Variants in SLC8A1 observed in about 807,000 individuals in gnomAD.
SLC8A1 encodes the protein solute carrier family 8 member A1, also known as sodium/calcium exchanger 1.
In SLC8A1, 18 loss-of-function variants were observed where a neutral mutation model predicts 68.3. The ratio of observed to expected loss-of-function variants is 0.26; its 90% CI spans 0.18 to 0.39. SLC8A1 has a LOEUF of 0.39. SLC8A1 is among the 10% of genes least tolerant of loss of function. The probability of loss-of-function intolerance (pLI) is 1.00; values close to 1 mark genes in which losing one functional copy is unlikely to be tolerated. For synonymous variants in SLC8A1, 475 were observed against 415.5 expected (o/e 1.14, Z -1.74); for missense variants, 985 against 1,156.7 (o/e 0.85, Z 2.15).
chr2:40,265,389 C>A (rs930406781), intron 2 of SLC8A1, among the ~76,000 whole-genome samples: 1 of 152,018 alleles, frequency 6.6e-6, no homozygotes, highest in Non-Finnish European at 1.5e-5. Context: ...AATAAAACAC[C>A]CTGTGAATGT....
intron 2 of SLC8A1, among the ~76,000 whole-genome samples, chr2:40,424,335 A>G (rs563840263): frequency 8.8e-4 from 133 of 151,920 alleles, no homozygotes; most frequent in African/African-American, 3.1e-3. Flanking sequence ...TCACATAGCT[A>G]AGTCTATAGA....
chr2:40,104,616 G>A (rs2034085916), exon 8 of SLC8A1: 1 of 152,070 alleles, frequency 6.6e-6, no homozygotes, highest in Admixed American at 6.6e-5. Flanking sequence ...GCCATAAGTG[G>A]ACTCTTCCTG....
At chr2:40,484,654 G>A (rs1018523256) in intron 1 of SLC8A1, among the ~76,000 whole-genome samples, 6 of 152,290 alleles carry the variant, frequency 3.9e-5, no homozygotes, top group Admixed American at 6.5e-5. Context: ...AACGTTAAAC[G>A]TGAGGGTTGG....
intron 2 of SLC8A1, among the ~76,000 whole-genome samples, chr2:40,388,703 C>T (rs1319925062): frequency 3.9e-5 from 6 of 152,168 alleles, no homozygotes; most frequent in African/African-American, 9.6e-5. Context: ...AATCAAATAA[C>T]GCAAAGTGAA....
At chr2:40,320,555 T>A (rs541087403) in intron 2 of SLC8A1, among the ~76,000 whole-genome samples, 2 of 152,314 alleles carry the variant, frequency 1.3e-5, no homozygotes, top group African/African-American at 4.8e-5. Context: ...CAGACGTTTA[T>A]TAAATAACAA....
chr2:40,167,571 A>C (rs1001201320), intron 4 of SLC8A1, among the ~76,000 whole-genome samples: 1 of 152,200 alleles, frequency 6.6e-6, no homozygotes, highest in Non-Finnish European at 1.5e-5. Context: ...AACCTAAAAA[A>C]CAGTAAGGCA....
At chr2:40,159,531 C>T (rs2045278216) in intron 6 of SLC8A1, among the ~76,000 whole-genome samples, 1 of 152,296 alleles carries the variant, frequency 6.6e-6, no homozygotes, top group South Asian at 2.1e-4. Flanking sequence ...GCTTCGTCAG[C>T]AGTTTCTTAT....
intron 2 of SLC8A1, among the ~76,000 whole-genome samples, chr2:40,380,179 T>G (rs1437365860): frequency 6.6e-6 from 1 of 152,170 alleles, no homozygotes; most frequent in Non-Finnish European, 1.5e-5. Context: ...AGTATCCTTG[T>G]ACTCATTTTC....
intron 3 of SLC8A1, among the ~76,000 whole-genome samples, chr2:40,177,034 C>T (rs1037369640): frequency 1.1e-5 from 1 of 88,344 alleles, no homozygotes; most frequent in Non-Finnish European, 2.6e-5. Context: ...ATAAAGGACA[C>T]TACTTTTATT....
intron 2 of SLC8A1, among the ~76,000 whole-genome samples, chr2:40,256,518 C>G (rs394540): frequency 0.077 from 11,784 of 152,220 alleles, 643 homozygotes; most frequent in Admixed American, 0.16. Context: ...ATCTTTACGT[C>G]TAAAGTGTTC....
chr2:40,178,642 T>A lies in SLC8A1; in HGVS notation c.1809-787A>T, dbSNP rs115331905. On this transcript the variant is annotated intron_variant, in intron 2 of 7. Transcript: ENST00000406785. ...GTACTGTGAGTTTTTTCTTCAAGAATGGGTATCAGATAGGTATGAAAGATC... is the reference window on the plus strand; with the variant it reads ...GTACTGTGAGTTTTTTCTTCAAGAAAGGGTATCAGATAGGTATGAAAGATC... The A allele has an allele frequency of 9.2e-3, 6,023 of 658,140 alleles. 38 individuals carry two copies. Among genetic ancestry groups the A allele is most frequent in the Non-Finnish European group, 0.014 (5,038 of 372,484 alleles). 40.8% of individuals were successfully genotyped at this position (658,140 alleles called of 1,614,324 possible).
intron 1 of SLC8A1, among the ~76,000 whole-genome samples, chr2:40,482,389 G>T (rs61181649): frequency 0.089 from 13,579 of 152,056 alleles, 989 homozygotes; most frequent in East Asian, 0.32. Flanking sequence ...AGAAAACAAA[G>T]TTTAAAAATC....
chr2:40,167,580 C>G (rs1221335464), intron 4 of SLC8A1, among the ~76,000 whole-genome samples: 2 of 152,104 alleles, frequency 1.3e-5, no homozygotes, highest in African/African-American at 2.4e-5. Flanking sequence ...AACAGTAAGG[C>G]ACACTGTTTC....
chr2:40,139,582 C>G (rs137900136), exon 7 of SLC8A1: 1 of 1,614,044 alleles, frequency 6.2e-7, no homozygotes, highest in African/African-American at 1.3e-5. Context: ...CGAAGGCAAA[C>G]AGGACCTTCC....
chr2:40,227,072 C>T (rs778396616), intron 2 of SLC8A1, among the ~76,000 whole-genome samples: 3 of 152,028 alleles, frequency 2.0e-5, no homozygotes, highest in African/African-American at 7.2e-5. Context: ...ACCCTCTTTC[C>T]CCAGGGGATT....
At chr2:40,340,584 G>A (rs1044716968) in intron 2 of SLC8A1, among the ~76,000 whole-genome samples, 6 of 152,126 alleles carry the variant, frequency 3.9e-5, no homozygotes, top group Non-Finnish European at 4.4e-5. Context: ...AGGGAGAAAG[G>A]GAGTTGGGGG....
chr2:40,389,998 T>G (rs1479948156), intron 2 of SLC8A1, among the ~76,000 whole-genome samples: 2 of 151,886 alleles, frequency 1.3e-5, no homozygotes, highest in Non-Finnish European at 1.5e-5. Flanking sequence ...ATAAACATTT[T>G]CCCTCCTCAT....
intron 2 of SLC8A1, among the ~76,000 whole-genome samples, chr2:40,427,894 C>T (rs1004578189): frequency 6.6e-6 from 1 of 152,094 alleles, no homozygotes; most frequent in African/African-American, 2.4e-5. Context: ...ACTGAAGAAG[C>T]AGGATTGGTT....
intron 2 of SLC8A1, among the ~76,000 whole-genome samples, chr2:40,248,145 T>C (rs1248156520): frequency 2.0e-5 from 3 of 152,162 alleles, no homozygotes; most frequent in Non-Finnish European, 4.4e-5. Flanking sequence ...TTTGATGACA[T>C]TAAGATATGT....
Sources: allele counts gnomAD v4.1 joint callset (sites outside exome capture counted in the v4.1 genomes callset), GRCh38; gene constraint gnomAD v4.1.1; transcripts MANE v1.5; gene names NCBI Gene and HGNC (gene_info 2026-07-23, HGNC 2026-07-21).